NTNG1: variants seen among roughly 807,000 people sequenced by gnomAD.
NTNG1 encodes the protein netrin-G1.
Under a neutral mutation model 54.0 loss-of-function variants are expected in NTNG1, and 16 were observed. The observed-to-expected ratio is 0.30, with a 90% confidence interval of 0.20 to 0.45. The LOEUF (loss-of-function observed/expected upper bound fraction) is 0.45. NTNG1 is among the 20% of genes least tolerant of loss of function. The pLI is 1.00. For missense variants in NTNG1, 530 were observed against 678.7 expected (o/e 0.78, Z 2.43); for synonymous variants, 255 against 263.1 (o/e 0.97, Z 0.30).
intron 7 of NTNG1, among the ~76,000 whole-genome samples, chr1:107,453,061 C>T (rs1351354966): frequency 1.3e-5 from 2 of 152,198 alleles, no homozygotes; most frequent in East Asian, 3.9e-4. Flanking sequence ...ATCTTCCATT[C>T]ACTGTGGCTT....
At chr1:107,439,034 G>A (rs1036373425) in intron 7 of NTNG1, among the ~76,000 whole-genome samples, 1 of 152,168 alleles carries the variant, frequency 6.6e-6, no homozygotes, top group Non-Finnish European at 1.5e-5. Context: ...TGAAAAGAGA[G>A]AGCTACTGTG....
At chr1:107,379,935 G>A (rs758413723) in intron 3 of NTNG1, among the ~76,000 whole-genome samples, 7 of 152,148 alleles carry the variant, frequency 4.6e-5, no homozygotes, top group Non-Finnish European at 1.0e-4. Context: ...TCTCCCTGGG[G>A]TGGGAAAAAA....
chr1:107,365,530 AT>A (rs1239399793), intron 3 of NTNG1, among the ~76,000 whole-genome samples: 4 of 152,206 alleles, frequency 2.6e-5, no homozygotes, highest in African/African-American at 9.7e-5. Flanking sequence ...AGCCAATATA[AT>A]TTTTATATAT....
At position 107,407,702 on chromosome 1, in the gene NTNG1, A is replaced by G; in HGVS notation, c.1081A>G (p.Ile361Val). The change falls in exon 5 of 8, where the codon ATT becomes GTT. Residue 361 changes from isoleucine to valine, a missense_variant. Ile to Val is a conservative substitution (Grantham distance 29, BLOSUM62 3). Around this residue, in one of 2 missense-constraint regions of NTNG1, gnomAD observed 318 missense variants for 465.1 expected, o/e 0.68. Coordinates refer to ENST00000370068, the MANE Select transcript of NTNG1 (RefSeq NM_001113226.3). The stretch of plus-strand genomic sequence containing the variant: ...TCCAGGTATCCCCAGTATTTCCAGT[A>G]TTGGTAGTAAGTAAAAACAAAAACA... The part of the protein sequence containing the change: ...ANTCIPSISS[I>V]GNCECFGHSN... 3.7e-6 allele frequency: 6 copies of G among 1,609,228 alleles called. No individual in the cohort carries two copies. Among genetic ancestry groups the G allele is most frequent in the Non-Finnish European group, 5.1e-6 (6 of 1,177,028 alleles).
intron 7 of NTNG1, among the ~76,000 whole-genome samples, chr1:107,438,317 T>C (rs1675737785): frequency 6.6e-6 from 1 of 152,154 alleles, no homozygotes; most frequent in African/African-American, 2.4e-5. Context: ...GACAGTCAAA[T>C]AGTCAGAAGT....
Position 107,478,553 on chromosome 1 carries a change from G to A in NTNG1, c.1391-2058G>A, listed in dbSNP as rs147951518. Among the ~76,000 whole-genome samples, 55 of 151,934 alleles carry A rather than the reference G, an allele frequency of 3.6e-4. No individual in the cohort carries two copies. In the East Asian group the frequency reaches 9.9e-3, roughly 27 times the overall value. ...GAAAAATAGCTTTTTTTTTCTAAAG[G>A]GGAGTGATATGTAATTAACTATTGA... On this transcript the variant is annotated intron_variant, in intron 7 of 7. Transcript: ENST00000370068.
At chr1:107,328,424 A>T (rs1386111890) in intron 3 of NTNG1, among the ~76,000 whole-genome samples, 1 of 152,164 alleles carries the variant, frequency 6.6e-6, no homozygotes, top group East Asian at 1.9e-4. Context: ...TATGGTACTT[A>T]TGTTAATTAA....
intron 2 of NTNG1, among the ~76,000 whole-genome samples, chr1:107,241,393 G>A (rs1661816475): frequency 6.6e-6 from 1 of 152,196 alleles, no homozygotes; most frequent in Non-Finnish European, 1.5e-5. Context: ...ATGGAAAGGA[G>A]GAAGCGGTAA....
chr1:107,155,208 CT>C (rs1486095464), intron 2 of NTNG1, among the ~76,000 whole-genome samples: 1 of 151,910 alleles, frequency 6.6e-6, no homozygotes, highest in Admixed American at 6.6e-5. Context: ...TTAGGATGGT[CT>C]CTTGATCCTC....
intron 3 of NTNG1, among the ~76,000 whole-genome samples, chr1:107,371,778 CA>C (rs1431541881): frequency 2.0e-5 from 3 of 151,944 alleles, no homozygotes; most frequent in Admixed American, 6.5e-5. Context: ...AGGCTGGTAC[CA>C]AAACAAGACA....
At chr1:107,335,952 A>G (rs993459701) in intron 3 of NTNG1, among the ~76,000 whole-genome samples, 2 of 151,972 alleles carry the variant, frequency 1.3e-5, no homozygotes, top group Admixed American at 6.6e-5. Flanking sequence ...ATAAATGGGA[A>G]GACATCCTAT....
intron 3 of NTNG1, among the ~76,000 whole-genome samples, chr1:107,351,986 A>G (rs1669644156): frequency 6.6e-6 from 1 of 152,216 alleles, no homozygotes; most frequent in African/African-American, 2.4e-5. Flanking sequence ...CTTCAAAATA[A>G]TCTCCTTTGA....
intron 3 of NTNG1, among the ~76,000 whole-genome samples, chr1:107,329,780 A>G (rs369026460): frequency 6.6e-6 from 1 of 152,036 alleles, no homozygotes; most frequent in African/African-American, 2.4e-5. Flanking sequence ...ATCCATAAAT[A>G]CTTATCCTCT....
At chr1:107,415,664 G>C (rs960022) in intron 5 of NTNG1, among the ~76,000 whole-genome samples, 63,833 of 150,634 alleles carry the variant, frequency 0.42, 13,935 homozygotes, top group Middle Eastern at 0.52. Flanking sequence ...GTTGATTTGT[G>C]AAAAAAAAAT....
At chr1:107,312,415 C>T (rs1667069705) in intron 2 of NTNG1, among the ~76,000 whole-genome samples, 1 of 151,856 alleles carries the variant, frequency 6.6e-6, no homozygotes, top group South Asian at 2.1e-4. Context: ...AAGCACTTAA[C>T]GTGCATTATA....
At chr1:107,442,029 T>C (rs1457787484) in intron 7 of NTNG1, among the ~76,000 whole-genome samples, 1 of 152,136 alleles carries the variant, frequency 6.6e-6, no homozygotes, top group Admixed American at 6.6e-5. Flanking sequence ...AGAGGATACA[T>C]TGTTCAGAGG....
At position 107,386,147 on chromosome 1, in the gene NTNG1, G is replaced by GTATATA. The variant is rs1479807179; in HGVS notation, c.888-9006_888-9005insATATAT. The stretch of plus-strand genomic sequence containing the variant: ...TATATGTATGTATATATATATATGT[G>GTATATA]TGTATATATATATATATATTTTTTT... On this transcript the variant is annotated intron_variant, in intron 3 of 7. Coordinates refer to ENST00000370068, the MANE Select transcript of NTNG1 (RefSeq NM_001113226.3). Among the ~76,000 whole-genome samples the GTATATA allele has an allele frequency of 1.3e-3, 127 of 94,422 alleles. 1 individual carries two copies. Among genetic ancestry groups the GTATATA allele is most frequent in the Non-Finnish European group, 2.3e-3 (102 of 44,050 alleles). 61.9% of individuals were successfully genotyped at this position (94,422 alleles called of 152,430 possible). A position where few individuals can be genotyped will look rare whatever the true frequency, so the allele number is the denominator to read the frequency against.
chr1:107,334,336 G>A (rs193269415), intron 3 of NTNG1, among the ~76,000 whole-genome samples: 33 of 151,926 alleles, frequency 2.2e-4, no homozygotes, highest in African/African-American at 7.7e-4. Flanking sequence ...TGTCCTGGCC[G>A]CTTTTACTCA....
chr1:107,423,280 GC>G (rs1271618098), intron 5 of NTNG1, among the ~76,000 whole-genome samples: 1 of 151,898 alleles, frequency 6.6e-6, no homozygotes, highest in African/African-American at 2.4e-5. Flanking sequence ...GGTGGATTTT[GC>G]CCCCCAGGGG....
Sources: gnomAD v4.1 joint callset for allele counts (sites outside exome capture counted in the v4.1 genomes callset) on GRCh38, gnomAD v4.1.1 for gene constraint, gnomAD v4.1.1 regional missense constraint, MANE v1.5 for transcripts, NCBI Gene and HGNC (gene_info 2026-07-23, HGNC 2026-07-21) for gene names.